Variants in ARHGAP8 observed in about 807,000 individuals in gnomAD.
The protein encoded by ARHGAP8 is Rho GTPase activating protein 8.
Under a neutral mutation model 46.1 loss-of-function variants are expected in ARHGAP8, and 62 were observed. The ratio of observed to expected loss-of-function variants is 1.34; its 90% CI spans 1.10 to 1.66. The LOEUF (loss-of-function observed/expected upper bound fraction) is 1.66. Among genes scored for constraint, ARHGAP8 ranks in the 40% most tolerant of loss-of-function variants. The pLI is 0.00. For synonymous variants in ARHGAP8, 375 were observed against 243.1 expected (o/e 1.54, Z -5.05); for missense variants, 923 against 568.4 (o/e 1.62, Z -6.34).
chr22:44,828,704 C>T (rs1930715056), intron 7 of ARHGAP8, among the ~76,000 whole-genome samples: 1 of 151,618 alleles, frequency 6.6e-6, no homozygotes. Context: ...CCACCTGCCT[C>T]GGCCTCCTAC....
At chr22:44,770,482 T>A (rs1490325149) in intron 1 of ARHGAP8, among the ~76,000 whole-genome samples, 1 of 152,016 alleles carries the variant, frequency 6.6e-6, no homozygotes, top group Admixed American at 6.6e-5. Context: ...CTCGGCTCAT[T>A]GCAACTTCTA....
intron 2 of ARHGAP8, among the ~76,000 whole-genome samples, chr22:44,790,633 A>C (rs1455448036): frequency 1.1e-4 from 14 of 132,312 alleles, no homozygotes; most frequent in Non-Finnish European, 3.1e-5. Flanking sequence ...CCAAGATCAC[A>C]CCATTGCACT....
At chr22:44,814,452 C>T (rs993728293) in intron 4 of ARHGAP8, among the ~76,000 whole-genome samples, 6 of 152,294 alleles carry the variant, frequency 3.9e-5, no homozygotes, top group South Asian at 2.1e-4. Flanking sequence ...TGTGCCTCGG[C>T]GAACTAAAGC....
intron 5 of ARHGAP8, among the ~76,000 whole-genome samples, chr22:44,819,854 G>A (rs1189384700): frequency 6.6e-6 from 1 of 152,186 alleles, no homozygotes; most frequent in Non-Finnish European, 1.5e-5. Flanking sequence ...CCATGAGAGG[G>A]GGCGTGGGCT....
rs758790298 is a variant in ARHGAP8 at position 44,859,812 on chromosome 22, A to G, written c.959A>G (p.Tyr320Cys). 1.2e-6 allele frequency: 2 copies of G among 1,613,940 alleles called. No individual in the cohort carries two copies. Among genetic ancestry groups the G allele is most frequent in the Non-Finnish European group, 1.7e-6 (2 of 1,179,984 alleles). Reference protein sequence around the residue: ...LPEHNYVVLRYLMGFLHAVSR... With the variant: ...LPEHNYVVLRCLMGFLHAVSR... ...GAGCACAACTACGTCGTCCTCCGCT[A>G]CCTCATGGGCTTCCTGCATGCGGTG... Residue 320 changes from tyrosine (Y) to cysteine (C), a missense_variant, in exon 11 of 12, where the codon TAC becomes TGC. By Grantham distance (194) the Tyr-to-Cys change is radical. Transcript: ENST00000356099.
chr22:44,845,861 T>TA (rs1478473336), intron 8 of ARHGAP8, among the ~76,000 whole-genome samples: 5 of 152,152 alleles, frequency 3.3e-5, no homozygotes, highest in African/African-American at 7.2e-5. Context: ...AGGCTGCTTT[T>TA]ACCTTAATGG....
chr22:44,838,607 A>G (rs574468528), intron 7 of ARHGAP8, among the ~76,000 whole-genome samples: 117 of 152,296 alleles, frequency 7.7e-4, no homozygotes, highest in African/African-American at 2.6e-3. Context: ...GCACAGAGAC[A>G]AAGCAGTAGG....
intron 5 of ARHGAP8, among the ~76,000 whole-genome samples, chr22:44,819,986 C>A (rs2147112531): frequency 6.6e-6 from 1 of 152,300 alleles, no homozygotes; most frequent in South Asian, 2.1e-4. Context: ...TTGGGCTCCG[C>A]AGCCCATTGC....
Position 44,855,578 on chromosome 22 carries a change from T to G in ARHGAP8, c.878-4153T>G, listed in dbSNP as rs796518680. ...AGAAGGCCCTAAAGATTTTTTTCTT[T>G]GGCCAGTTTGTTTCCAAATAGTCCT... On this transcript the variant is annotated intron_variant, in intron 10 of 11. Coordinates refer to ENST00000356099, the MANE Select transcript of ARHGAP8 (RefSeq NM_181335.3). Among the ~76,000 whole-genome samples the G allele has an allele frequency of 1.2e-4, 18 of 152,376 alleles. 1 individual carries two copies. Among genetic ancestry groups the G allele is most frequent in the African/African-American group, 3.8e-4 (16 of 41,594 alleles).
In ARHGAP8 at chr22:44,859,837, G is replaced by C. The variant is rs367763620; in HGVS notation, c.981+3G>C. On this transcript the variant is annotated splice_donor_region_variant and intron_variant, in intron 11 of 11. Coordinates refer to ENST00000356099, the MANE Select transcript of ARHGAP8 (RefSeq NM_181335.3). ...ACCTCATGGGCTTCCTGCATGCGGT[G>C]AGTGGGGAAGGGGGGAGCTTGGGGT... is the stretch of plus-strand genomic sequence containing the variant. 6.2e-7 allele frequency: 1 copy of C among 1,613,082 alleles called. No individual in the cohort carries two copies. The highest frequency in any genetic ancestry group is 1.3e-5 in the African/African-American group (1 of 74,900).
At chr22:44,771,269 C>T (rs1430308197) in intron 1 of ARHGAP8, among the ~76,000 whole-genome samples, 5 of 75,846 alleles carry the variant, frequency 6.6e-5, no homozygotes, top group Non-Finnish European at 1.2e-4. Flanking sequence ...TTTTTTGAGA[C>T]GGATTCTTGC....
At chr22:44,775,658 T>C (rs995042903) in intron 1 of ARHGAP8, among the ~76,000 whole-genome samples, 2 of 151,768 alleles carry the variant, frequency 1.3e-5, no homozygotes, top group African/African-American at 4.8e-5. Context: ...TCATGTCGGC[T>C]GGGCTGGTCT....
chr22:44,861,548 T>G (rs138835785), intron 11 of ARHGAP8, among the ~76,000 whole-genome samples: 2,159 of 152,228 alleles, frequency 0.014, 17 homozygotes, highest in Non-Finnish European at 0.022. Flanking sequence ...TGGCCCTGCC[T>G]CCCTCCAGTT....
chr22:44,858,228 CAGTG>C (rs2070293212), intron 10 of ARHGAP8, among the ~76,000 whole-genome samples: 1 of 152,174 alleles, frequency 6.6e-6, no homozygotes, highest in African/African-American at 2.4e-5. Context: ...GTGCAAGGCT[CAGTG>C]GGAGGGTGAT....
At chr22:44,806,150 G>C (rs1356069347) in intron 3 of ARHGAP8, among the ~76,000 whole-genome samples, 1 of 152,208 alleles carries the variant, frequency 6.6e-6, no homozygotes. Context: ...GTGAGGAGGA[G>C]TGAAGAGTTC....
intron 2 of ARHGAP8, among the ~76,000 whole-genome samples, chr22:44,797,487 G>A (rs1928176194): frequency 6.6e-6 from 1 of 152,154 alleles, no homozygotes; most frequent in Admixed American, 6.5e-5. Context: ...CTCCCACTTG[G>A]CAAGGGAAGC....
intron 7 of ARHGAP8, among the ~76,000 whole-genome samples, chr22:44,844,211 C>G (rs12166338): frequency 6.6e-6 from 1 of 152,078 alleles, no homozygotes; most frequent in East Asian, 1.9e-4. Flanking sequence ...ACCTCGTGGT[C>G]TGTCCACTTT....
chr22:44,845,165 G>A (rs1431490448), intron 7 of ARHGAP8, 104 bp from the exon 8 acceptor site: 3 of 1,400,824 alleles, frequency 2.1e-6, no homozygotes, highest in Admixed American at 2.0e-5. Context: ...CAGTGCCTGG[G>A]TCCTGTGTTT....
intron 2 of ARHGAP8, among the ~76,000 whole-genome samples, chr22:44,799,038 C>A (rs1031268689): frequency 3.9e-5 from 6 of 152,304 alleles, no homozygotes; most frequent in African/African-American, 1.4e-4. Flanking sequence ...AGGGGCTGCA[C>A]CCTGCTCCAG....
Sources: allele counts gnomAD v4.1 joint callset (sites outside exome capture counted in the v4.1 genomes callset), GRCh38; gene constraint gnomAD v4.1.1; transcripts MANE v1.5; gene names NCBI Gene and HGNC (gene_info 2026-07-23, HGNC 2026-07-21).